SLC38A6: variants seen among roughly 807,000 people sequenced by gnomAD.
The protein encoded by SLC38A6 is solute carrier family 38 member 6, also known as N system amino acid transporter NAT-1.
Under a neutral mutation model 65.0 loss-of-function variants are expected in SLC38A6, and 73 were observed. The ratio of observed to expected loss-of-function variants is 1.12; its 90% CI spans 0.93 to 1.37. The LOEUF is 1.37. Among genes scored for constraint, SLC38A6 ranks in the 40% most tolerant of loss-of-function variants. The probability of loss-of-function intolerance (pLI) is 0.00; values close to 1 mark genes in which losing one functional copy is unlikely to be tolerated. For synonymous variants in SLC38A6, 183 were observed against 178.8 expected (o/e 1.02, Z -0.19); for missense variants, 561 against 531.1 (o/e 1.06, Z -0.55).
At chr14:61,075,194 G>C (rs544412652) in intron 15 of SLC38A6, among the ~76,000 whole-genome samples, 15 of 152,296 alleles carry the variant, frequency 9.8e-5, no homozygotes, top group African/African-American at 3.1e-4. Context: ...AAGAACAGAA[G>C]CGTTTAATAT....
intron 5 of SLC38A6, among the ~76,000 whole-genome samples, chr14:61,027,882 T>C (rs1306052070): frequency 2.0e-5 from 3 of 152,034 alleles, no homozygotes; most frequent in Non-Finnish European, 4.4e-5. Flanking sequence ...GGTTGTATAC[T>C]CTTAAAATAT....
intron 3 of SLC38A6, among the ~76,000 whole-genome samples, chr14:60,989,229 C>G (rs1044031930): frequency 5.9e-5 from 9 of 152,162 alleles, no homozygotes; most frequent in South Asian, 4.1e-4. Flanking sequence ...GGCCTACCCC[C>G]CAACTTGTGC....
intron 8 of SLC38A6, among the ~76,000 whole-genome samples, chr14:61,039,349 T>C (rs1054383902): frequency 3.3e-5 from 5 of 152,046 alleles, no homozygotes; most frequent in Non-Finnish European, 7.4e-5. Flanking sequence ...CTCTTTTTAA[T>C]TGGCATGTTT....
chr14:60,987,322 T>C (rs1776933824), intron 3 of SLC38A6: 1 of 153,040 alleles, frequency 6.5e-6, no homozygotes, highest in Non-Finnish European at 1.5e-5. Context: ...CATGAGTTTT[T>C]ATGAAATAAC....
At chr14:61,055,140 A>G (rs1457403249), downstream of SLC38A6, among the ~76,000 whole-genome samples, 1 of 57,768 alleles carries the variant, frequency 1.7e-5, no homozygotes, top group African/African-American at 6.0e-5. Context: ...ATTATACTCT[A>G]AGTTTTAGGG....
At chr14:60,988,525 A>G (rs1313543255) in intron 3 of SLC38A6, among the ~76,000 whole-genome samples, 1 of 151,926 alleles carries the variant, frequency 6.6e-6, no homozygotes, top group Non-Finnish European at 1.5e-5. Context: ...CTCTACCTAC[A>G]CTGGCCACTT....
intron 1 of SLC38A6, among the ~76,000 whole-genome samples, chr14:60,981,908 C>T (rs1348294088): frequency 2.6e-5 from 4 of 152,172 alleles, no homozygotes; most frequent in Non-Finnish European, 5.9e-5. Flanking sequence ...CTTTTTAACT[C>T]GAGTCCTAGA....
At chr14:61,044,274 C>T (rs1367872622) in intron 10 of SLC38A6, among the ~76,000 whole-genome samples, 1 of 152,180 alleles carries the variant, frequency 6.6e-6, no homozygotes, top group African/African-American at 2.4e-5. Context: ...AGCTTGGTTA[C>T]TCCACCATGC....
chr14:61,028,721 T>G (rs2040754424), intron 5 of SLC38A6, among the ~76,000 whole-genome samples: 1 of 152,206 alleles, frequency 6.6e-6, no homozygotes, highest in Non-Finnish European at 1.5e-5. Context: ...CGTTGTAAAC[T>G]GAAAAAATAT....
intron 3 of SLC38A6, among the ~76,000 whole-genome samples, chr14:60,995,616 G>A (rs1228213599): frequency 1.3e-5 from 2 of 152,082 alleles, no homozygotes; most frequent in South Asian, 2.1e-4. Flanking sequence ...AAGGAAGAAA[G>A]GGAGGAGGAA....
rs190784061 is a variant in SLC38A6 at position 61,000,062 on chromosome 14, C to T, written c.310+15259C>T. Among the ~76,000 whole-genome samples, 110 of 152,272 alleles carry T rather than the reference C, an allele frequency of 7.2e-4. No homozygotes were observed. The East Asian group carries it at 0.015, about 21-fold the overall frequency. ...AAGTAAATGTTAGTGATGTGACTTT[C>T]CATTTAGGAAACAATTTTTTGCAAA... is the stretch of plus-strand genomic sequence containing the variant. On this transcript the variant is annotated intron_variant, in intron 3 of 15. Transcript: ENST00000267488.
chr14:61,048,057 A>T (rs2042271198), intron 12 of SLC38A6: 9 of 420,672 alleles, frequency 2.1e-5, no homozygotes, highest in Non-Finnish European at 4.2e-5. Context: ...AAAAGTAGTA[A>T]GTTCTTCTCC....
intron 16 of SLC38A6, among the ~76,000 whole-genome samples, chr14:61,080,938 T>C (rs1243609506): frequency 6.6e-6 from 1 of 152,180 alleles, no homozygotes; most frequent in Non-Finnish European, 1.5e-5. Context: ...GATGGTTCAT[T>C]TTGGGAAGGT....
chr14:61,082,975 T>C (rs905846020), intron 16 of SLC38A6, among the ~76,000 whole-genome samples: 13 of 152,308 alleles, frequency 8.5e-5, no homozygotes, highest in East Asian at 5.8e-4. Flanking sequence ...CCGGGAATAA[T>C]TGAAAAAACC....
intron 3 of SLC38A6, among the ~76,000 whole-genome samples, chr14:61,015,179 G>T (rs896234882): frequency 2.0e-5 from 3 of 152,228 alleles, no homozygotes; most frequent in African/African-American, 7.2e-5. Context: ...GACCCTCCGA[G>T]CCAGGTGCGG....
intron 15 of SLC38A6, among the ~76,000 whole-genome samples, chr14:61,063,336 T>C (rs2042918743): frequency 6.6e-6 from 1 of 152,192 alleles, no homozygotes; most frequent in African/African-American, 2.4e-5. Context: ...GCCTGTGTAC[T>C]TCAAAGTCCT....
intron 3 of SLC38A6, among the ~76,000 whole-genome samples, chr14:61,013,452 G>A (rs1055548964): frequency 2.6e-5 from 4 of 152,132 alleles, no homozygotes; most frequent in African/African-American, 4.8e-5. Context: ...TATTTTGCTC[G>A]TTAGTTGATG....
intron 6 of SLC38A6, among the ~76,000 whole-genome samples, chr14:61,034,704 A>G (rs1395409105): frequency 6.6e-6 from 1 of 152,142 alleles, no homozygotes; most frequent in Non-Finnish European, 1.5e-5. Flanking sequence ...TTTTTGTATT[A>G]TTGATATGTG....
At position 60,981,245 on chromosome 14, in the gene SLC38A6, G is replaced by C; in HGVS notation, c.-33G>C. 5 of 1,571,798 alleles carry C rather than the reference G, an allele frequency of 3.2e-6. No homozygotes were observed. The highest frequency in any genetic ancestry group is 1.3e-5 in the African/African-American group (1 of 74,094). ...GAGCGCAGGGCAGGGGTAGAGGCTC[G>C]TAGATGGAACTGGTAGTCAGCTGGA... is the stretch of plus-strand genomic sequence containing the variant. On this transcript the variant is annotated 5_prime_UTR_variant, in exon 1 of 16. Coordinates refer to ENST00000267488, the MANE Select transcript of SLC38A6 (RefSeq NM_153811.3).
Sources: gnomAD v4.1 joint callset for allele counts (sites outside exome capture counted in the v4.1 genomes callset) on GRCh38, gnomAD v4.1.1 for gene constraint, MANE v1.5 for transcripts, NCBI Gene and HGNC (gene_info 2026-07-23, HGNC 2026-07-21) for gene names.